PTPRS: variants seen among roughly 807,000 people sequenced by gnomAD.
PTPRS encodes the protein protein tyrosine phosphatase receptor type S.
Under a neutral mutation model 215.3 loss-of-function variants are expected in PTPRS, and 63 were observed. The ratio of observed to expected loss-of-function variants is 0.29; its 90% CI spans 0.24 to 0.36. The LOEUF is 0.36. Ranked by LOEUF, PTPRS falls within the 10% of genes least tolerant of loss-of-function variation. PTPRS has a pLI of 1.00. For synonymous variants in PTPRS, 1,404 were observed against 1,191.4 expected, an observed-to-expected ratio of 1.18 and a Z score of -3.68; for missense variants, 2,258 against 2,825.8, an observed-to-expected ratio of 0.80 and a Z score of 4.56.
At chr19:5,242,583 T>C (rs1048625580) in intron 11 of PTPRS, among the ~76,000 whole-genome samples, 1 of 151,802 alleles carries the variant, frequency 6.6e-6, no homozygotes, top group Non-Finnish European at 1.5e-5. Flanking sequence ...TTTGTCATGT[T>C]GGCCAGGCTG....
rs568427685 is a variant in PTPRS at position 5,263,508 on chromosome 19, C to T, written c.569-536G>A. Among the ~76,000 whole-genome samples the T allele has an allele frequency of 4.5e-4, 69 of 151,900 alleles. 2 individuals are homozygous for T. The highest frequency in any genetic ancestry group is 8.2e-4 in the African/African-American group (34 of 41,412). ...TACTGCTGCAAAGGGGGCTCCGTGGCGGGATCCTCGGAGGAAGGGGAGAGA... is the reference window on the plus strand; with the variant it reads ...TACTGCTGCAAAGGGGGCTCCGTGGTGGGATCCTCGGAGGAAGGGGAGAGA... On this transcript the variant is annotated intron_variant, in intron 5 of 37. Coordinates refer to ENST00000262963, the MANE Select transcript of PTPRS (RefSeq NM_002850.4).
chr19:5,322,421 G>C (rs1297301830), intron 1 of PTPRS, among the ~76,000 whole-genome samples: 1 of 152,174 alleles, frequency 6.6e-6, no homozygotes, highest in Non-Finnish European at 1.5e-5. Context: ...TATTTTAAAG[G>C]GGCTATTTCT....
intron 2 of PTPRS, among the ~76,000 whole-genome samples, chr19:5,278,674 C>T (rs928855618): frequency 4.0e-5 from 6 of 151,834 alleles, no homozygotes; most frequent in Non-Finnish European, 7.4e-5. Context: ...AGGGTTTCCC[C>T]ATGTTGGCCA....
chr19:5,318,568 C>T (rs750109634), intron 1 of PTPRS, among the ~76,000 whole-genome samples: 3 of 152,076 alleles, frequency 2.0e-5, no homozygotes, highest in Non-Finnish European at 4.4e-5. Context: ...GCTGTGAAGA[C>T]TGAATCGAAA....
Position 5,211,642 on chromosome 19 carries a change from G to A in PTPRS, c.5182C>T (p.Arg1728Trp), listed in dbSNP as rs199786391. ...ESTRVCLQPIRGVEGSDYINA... is the reference protein window; with the variant it reads ...ESTRVCLQPIWGVEGSDYINA... ...ATGTAGTCAGAGCCCTCCACACCCCGGATGGGTTGCAGACAGACCCGTGTG... is the reference window on the plus strand; with the variant it reads ...ATGTAGTCAGAGCCCTCCACACCCCAGATGGGTTGCAGACAGACCCGTGTG... Residue 1728 changes from arginine (R) to tryptophan (W), a missense_variant, in exon 33 of 38, where the codon CGG becomes TGG. Around this residue, in one of 6 missense-constraint regions of PTPRS, gnomAD observed 927 missense variants for 1,125.9 expected, o/e 0.82. Coordinates refer to ENST00000262963, the MANE Select transcript of PTPRS (RefSeq NM_002850.4). 9.3e-6 allele frequency: 15 copies of A among 1,613,838 alleles called. No homozygotes were observed. Among genetic ancestry groups the A allele is most frequent in the Admixed American group, 3.3e-5 (2 of 59,986 alleles).
Position 5,238,972 on chromosome 19 carries a change from G to A in PTPRS, c.1796C>T (p.Pro599Leu), listed in dbSNP as rs554924044. 9 of 1,612,806 alleles carry A rather than the reference G, an allele frequency of 5.6e-6. No individual in the cohort carries two copies. The highest frequency in any genetic ancestry group is 1.7e-5 in the Admixed American group (1 of 59,918). ...EYAFRLAARS[P>L]QGLGAFTPVV... Reference sequence around the variant, plus strand: ...GGGGGTGAAGGCGCCCAGGCCCTGCGGCGAGCGGGCCGCCAGGCGGAAGGC... The same window carrying A: ...GGGGGTGAAGGCGCCCAGGCCCTGCAGCGAGCGGGCCGCCAGGCGGAAGGC... Residue 599 changes from proline (P) to leucine (L), a missense_variant, in exon 13 of 38, where the codon CCG becomes CTG. Pro to Leu is a moderately conservative substitution (Grantham distance 98, BLOSUM62 -3). Coordinates refer to ENST00000262963, the MANE Select transcript of PTPRS (RefSeq NM_002850.4).
intron 9 of PTPRS, among the ~76,000 whole-genome samples, chr19:5,255,554 C>G (rs1021251824): frequency 3.3e-5 from 5 of 149,366 alleles, no homozygotes; most frequent in African/African-American, 1.2e-4. Flanking sequence ...TGATTTTTTC[C>G]CCCCAAAACG....
intron 1 of PTPRS, among the ~76,000 whole-genome samples, chr19:5,332,881 G>T (rs1252127417): frequency 1.3e-5 from 2 of 152,246 alleles, no homozygotes; most frequent in African/African-American, 4.8e-5. Context: ...AGACGCGGTG[G>T]CTCACGCCTG....
At chr19:5,291,891 C>G (rs1276566737) in intron 1 of PTPRS, among the ~76,000 whole-genome samples, 1 of 151,756 alleles carries the variant, frequency 6.6e-6, no homozygotes, top group African/African-American at 2.4e-5. Context: ...CCATGCCAGG[C>G]TTCCCTTGAC....
intron 4 of PTPRS, among the ~76,000 whole-genome samples, chr19:5,266,216 G>T (rs951908702): frequency 6.6e-6 from 1 of 152,058 alleles, no homozygotes; most frequent in Middle Eastern, 3.4e-3. Flanking sequence ...CCAAGATCAC[G>T]CCACTGCACT....
intron 1 of PTPRS, among the ~76,000 whole-genome samples, chr19:5,297,745 G>A (rs948340741): frequency 2.0e-4 from 30 of 151,740 alleles, no homozygotes; most frequent in South Asian, 1.3e-3. Context: ...CAGCAAATAC[G>A]ATGGCCCTGA....
At chr19:5,324,720 G>A (rs2379615) in intron 1 of PTPRS, among the ~76,000 whole-genome samples, 17,773 of 152,230 alleles carry the variant, frequency 0.12, 1,294 homozygotes, top group Admixed American at 0.24. Flanking sequence ...CCTTATCTGC[G>A]AAAGTGGGGC....
At chr19:5,218,359 T>G (rs1341910010) in intron 25 of PTPRS, 61 bp downstream of exon 25, 1 of 1,499,218 alleles carries the variant, frequency 6.7e-7, no homozygotes, top group Non-Finnish European at 9.1e-7. Flanking sequence ...TGGCAGCTAC[T>G]GCTTCTCCCC....
At chr19:5,264,881 C>T (rs962691109) in intron 5 of PTPRS, 127 bp downstream of exon 5, 37 of 1,126,502 alleles carry the variant, frequency 3.3e-5, no homozygotes, top group African/African-American at 6.3e-5. Context: ...CCAGAGCCAA[C>T]GCCTGCCACG....
rs1209604347 is a variant in PTPRS, at chr19:5,206,813, T to C, written c.5808A>G (p.Ala1936=). 2 of 1,613,950 alleles carry C rather than the reference T, an allele frequency of 1.2e-6. No individual in the cohort carries two copies. The highest frequency in any genetic ancestry group is 1.6e-4 in the Middle Eastern group (1 of 6,084). Residue 1936 remains alanine (A), a synonymous_variant, in exon 38 of 38, where the codon GCA becomes GCG. Coordinates refer to ENST00000262963, the MANE Select transcript of PTPRS (RefSeq NM_002850.4). ...GGTCAAAGCTTCCGAGGTACTCCAG[T>C]GCCGCCTGGTAACAGAACTGGTACT... The part of the protein sequence containing the change: ...EDEYQFCYQA[A]LEYLGSFDHY...
chr19:5,317,924 C>G (rs767667226), intron 1 of PTPRS, among the ~76,000 whole-genome samples: 28 of 152,194 alleles, frequency 1.8e-4, no homozygotes, highest in Admixed American at 6.5e-4. Flanking sequence ...GCAATCCCAG[C>G]ACGTTGGGAT....
intron 11 of PTPRS, among the ~76,000 whole-genome samples, chr19:5,240,598 A>C (rs889984996): frequency 6.6e-6 from 1 of 151,770 alleles, no homozygotes; most frequent in Non-Finnish European, 1.5e-5. Flanking sequence ...CCAGCACTTT[A>C]GGAGGCCGAG....
chr19:5,316,990 T>A (rs1379676382), intron 1 of PTPRS, among the ~76,000 whole-genome samples: 1 of 152,134 alleles, frequency 6.6e-6, no homozygotes, highest in Non-Finnish European at 1.5e-5. Flanking sequence ...TTCTGAGGGA[T>A]CCACGAAGGA....
chr19:5,212,462 G>T lies in PTPRS; in HGVS notation c.4644C>A (p.Arg1548=), dbSNP rs2040995267. 1.9e-6 allele frequency: 3 copies of T among 1,597,546 alleles called. No individual in the cohort carries two copies. Among genetic ancestry groups the T allele is most frequent in the Middle Eastern group, 1.6e-4 (1 of 6,062 alleles). ...KNGSSEKREV[R]QFQFTAWPDH... The stretch of plus-strand genomic sequence containing the variant: ...CCGGCCACGCCGTAAACTGGAACTG[G>T]CGGACCTCGCGTTTCTCACTGGAGC... The change falls in exon 31 of 38, where the codon CGC becomes CGA. Residue 1548 remains arginine (R), a synonymous_variant. Coordinates refer to ENST00000262963, the MANE Select transcript of PTPRS (RefSeq NM_002850.4).
Sources: allele counts gnomAD v4.1 joint callset (sites outside exome capture counted in the v4.1 genomes callset), GRCh38; gene constraint gnomAD v4.1.1; regional missense constraint gnomAD v4.1.1; transcripts MANE v1.5; gene names NCBI Gene and HGNC (gene_info 2026-07-23, HGNC 2026-07-21).